NMU: variants seen among roughly 807,000 people sequenced by gnomAD.
The protein encoded by NMU is neuromedin U, also known as neuromedin-U.
Under a neutral mutation model 35.4 loss-of-function variants are expected in NMU, and 29 were observed. That is an observed-to-expected ratio of 0.82 (90% CI 0.61 to 1.12). NMU has a LOEUF of 1.12. NMU is among the 50% of genes most tolerant of loss of function. NMU has a pLI of 0.00. For synonymous variants in NMU, 78 were observed against 81.3 expected (o/e 0.96, Z 0.22); for missense variants, 199 against 206.2 (o/e 0.97, Z 0.21).
intron 1 of NMU, among the ~76,000 whole-genome samples, chr4:55,635,552 G>T (rs1234081014): frequency 1.3e-5 from 2 of 152,138 alleles, no homozygotes; most frequent in African/African-American, 2.4e-5. Flanking sequence ...AGCGGTTAGC[G>T]TGGGGCCCGT....
At chr4:55,606,594 A>G (rs73148765) in intron 6 of NMU, among the ~76,000 whole-genome samples, 2,040 of 152,236 alleles carry the variant, frequency 0.013, 45 homozygotes, top group African/African-American at 0.047. Flanking sequence ...GCCATCTGAA[A>G]CAATATGTTT....
At chr4:55,635,896 C>T (rs916832003) in intron 1 of NMU, among the ~76,000 whole-genome samples, 185 bp downstream of exon 1, 4 of 152,210 alleles carry the variant, frequency 2.6e-5, no homozygotes, top group Admixed American at 1.3e-4. Context: ...CTTGCTCCTA[C>T]GTCGCTAGTT....
intron 7 of NMU, among the ~76,000 whole-genome samples, chr4:55,604,017 G>GTATATATGTATATATGTGTA (rs1553909831): frequency 3.9e-5 from 1 of 25,774 alleles, no homozygotes; most frequent in Non-Finnish European, 7.2e-5. Context: ...GTATATATGT[G>GTATATATGTATATATGTGTA]TATATATATA....
At chr4:55,632,273 T>C (rs1271584503) in intron 1 of NMU, among the ~76,000 whole-genome samples, 1 of 151,504 alleles carries the variant, frequency 6.6e-6, no homozygotes, top group Non-Finnish European at 1.5e-5. Context: ...CATATCCTGA[T>C]AGATTTTTTT....
chr4:55,616,419 G>C, intron 2 of NMU, 34 bp from the exon 3 acceptor site: 5 of 1,500,104 alleles, frequency 3.3e-6, no homozygotes, highest in Non-Finnish European at 4.6e-6. Context: ...TACATCCTGG[G>C]AATGGACAGA....
rs1426156092 is a variant in NMU at position 55,619,929 on chromosome 4, T to C, written c.172-3544A>G. Reference sequence around the variant, plus strand: ...CACTGACACCTCACAAGGCAGGGTATTCCAACAGACCTGCAGCTGAGGGCC... The same window carrying C: ...CACTGACACCTCACAAGGCAGGGTACTCCAACAGACCTGCAGCTGAGGGCC... On this transcript the variant is annotated intron_variant, in intron 2 of 9. Transcript: ENST00000264218. Among the ~76,000 whole-genome samples, 450 of 139,208 alleles carry C rather than the reference T, an allele frequency of 3.2e-3. 2 individuals are homozygous for C. Among genetic ancestry groups the C allele is most frequent in the Middle Eastern group, 0.011 (3 of 272 alleles). 91.3% of individuals were successfully genotyped at this position (139,208 alleles called of 152,430 possible). A position where few individuals can be genotyped will look rare whatever the true frequency, so the allele number is the denominator to read the frequency against.
intron 2 of NMU, among the ~76,000 whole-genome samples, chr4:55,625,719 C>T (rs994377511): frequency 1.3e-5 from 2 of 152,182 alleles, no homozygotes; most frequent in East Asian, 3.9e-4. Flanking sequence ...GGCATATCCT[C>T]CATTTGTATA....
upstream of NMU, chr4:55,636,409 A>C (rs1715936800): frequency 4.8e-6 from 3 of 625,492 alleles, no homozygotes; most frequent in African/African-American, 2.0e-5. This position sits in a 1 kb window ranked among gnomAD's most constrained non-coding sequence, Gnocchi z 4.0. Flanking sequence ...ACCTCGCCTC[A>C]CCCCGCCCCG....
At chr4:55,603,847 G>A (rs1257676408) in intron 7 of NMU, among the ~76,000 whole-genome samples, 2 of 145,818 alleles carry the variant, frequency 1.4e-5, no homozygotes, top group Admixed American at 6.9e-5. Context: ...GGGGGGCGGA[G>A]CTTGCAGTGA....
Position 55,595,285 on chromosome 4 carries a change from C to A in NMU, c.*131G>T, listed in dbSNP as rs1020715294. 8 of 152,350 alleles carry A rather than the reference C, an allele frequency of 5.3e-5. No homozygotes were observed. Among genetic ancestry groups the A allele is most frequent in the African/African-American group, 1.9e-4 (8 of 41,356 alleles). The allele number at this position is 152,350 out of a possible 1,614,324, so 9.4% of individuals were successfully genotyped here. A position where few individuals can be genotyped will look rare whatever the true frequency, so the allele number is the denominator to read the frequency against. ...TTGAACATTTACAACATTGTTACAACTGAGAACATTGACAACACAGGGATT... is the reference window on the plus strand; with the variant it reads ...TTGAACATTTACAACATTGTTACAAATGAGAACATTGACAACACAGGGATT... On this transcript the variant is annotated 3_prime_UTR_variant, in exon 10 of 10. Coordinates refer to ENST00000264218, the MANE Select transcript of NMU (RefSeq NM_006681.4).
chr4:55,628,722 T>C (rs891487269), intron 2 of NMU, among the ~76,000 whole-genome samples: 4 of 152,038 alleles, frequency 2.6e-5, no homozygotes, highest in African/African-American at 9.7e-5. Context: ...GCTCCTGATC[T>C]TGTGATCCAC....
chr4:55,629,215 T>C (rs1186085397), intron 2 of NMU, among the ~76,000 whole-genome samples: 1 of 152,204 alleles, frequency 6.6e-6, no homozygotes, highest in East Asian at 1.9e-4. Flanking sequence ...ATGCTCCAAT[T>C]ATACACAACG....
At chr4:55,612,958 G>A (rs557752719) in intron 3 of NMU, among the ~76,000 whole-genome samples, 2 of 152,050 alleles carry the variant, frequency 1.3e-5, no homozygotes, top group Non-Finnish European at 2.9e-5. Context: ...ATACACCACC[G>A]AATACTACAC....
intron 9 of NMU, among the ~76,000 whole-genome samples, chr4:55,596,705 T>G (rs1232760554): frequency 6.6e-6 from 1 of 152,184 alleles, no homozygotes; most frequent in Non-Finnish European, 1.5e-5. Context: ...TTATGTCCCA[T>G]GAGCACATTA....
intron 3 of NMU, 139 bp from the exon 4 acceptor site, chr4:55,609,318 T>A (rs1733836144): frequency 1.4e-6 from 1 of 694,282 alleles, no homozygotes; most frequent in African/African-American, 1.8e-5. Context: ...ATTAAAACTG[T>A]TGGAATCCTT....
chr4:55,632,205 T>C (rs1715639658), intron 1 of NMU, among the ~76,000 whole-genome samples: 1 of 152,124 alleles, frequency 6.6e-6, no homozygotes, highest in Non-Finnish European at 1.5e-5. Flanking sequence ...TTGGGTACAG[T>C]GTACACCACT....
At position 55,596,421 on chromosome 4, in the gene NMU, G is replaced by A. The variant is rs763779328; in HGVS notation, c.*5-1010C>T. ...TGGATTAAGTTCTGTTTCACATTGT[G>A]AACACTCTAATACTTATTTCAATGT... On this transcript the variant is annotated intron_variant, in intron 9 of 9. Coordinates refer to ENST00000264218, the MANE Select transcript of NMU (RefSeq NM_006681.4). 7.5e-5 allele frequency among the ~76,000 whole-genome samples: 11 copies of A among 147,648 alleles called. No homozygotes were observed. The Middle Eastern group carries it at 0.015, about 202-fold the overall frequency.
chr4:55,617,549 G>C (rs1051103826), intron 2 of NMU, among the ~76,000 whole-genome samples: 1 of 151,848 alleles, frequency 6.6e-6, no homozygotes, highest in Non-Finnish European at 1.5e-5. Flanking sequence ...TGAGGGTAGG[G>C]GCCGTGTTAT....
chr4:55,633,138 C>T (rs1333148624), intron 1 of NMU, among the ~76,000 whole-genome samples: 1 of 151,936 alleles, frequency 6.6e-6, no homozygotes, highest in Non-Finnish European at 1.5e-5. Context: ...TCCTGGCTAA[C>T]ATGGTGAAAC....
Sources: allele counts gnomAD v4.1 joint callset (sites outside exome capture counted in the v4.1 genomes callset), GRCh38; gene constraint gnomAD v4.1.1; non-coding constraint Gnocchi (gnomAD v3.1); transcripts MANE v1.5; gene names NCBI Gene and HGNC (gene_info 2026-07-23, HGNC 2026-07-21).